CHD9: variants seen among roughly 807,000 people sequenced by gnomAD.
The protein encoded by CHD9 is ATP-dependent chromatin remodeler CHD9.
A neutral mutation model predicts 316.1 loss-of-function variants in CHD9; 77 were observed. The observed-to-expected ratio is 0.24, with a 90% CI of 0.20 to 0.29. CHD9 has a LOEUF of 0.29. Among genes scored for constraint, CHD9 ranks in the 10% least tolerant of loss-of-function variants. CHD9 has a pLI of 1.00. For missense variants in CHD9, 2,763 were observed against 3,438.1 expected (o/e 0.80, Z 4.91); for synonymous variants, 1,129 against 1,158.3 (o/e 0.97, Z 0.51).
At chr16:53,065,525 C>T (rs1429319519) in intron 1 of CHD9, among the ~76,000 whole-genome samples, 1 of 149,218 alleles carries the variant, frequency 6.7e-6, no homozygotes, top group Admixed American at 6.8e-5. Context: ...GTCTCAGTTA[C>T]TTGGGAGGCT....
At chr16:53,287,091 T>C (rs1050512617) in intron 26 of CHD9, among the ~76,000 whole-genome samples, 3 of 152,140 alleles carry the variant, frequency 2.0e-5, no homozygotes, top group Admixed American at 6.5e-5. Flanking sequence ...CCTGAGTATC[T>C]GGGACCACAG....
At chr16:53,323,110 T>C (rs2057380082) in intron 38 of CHD9, among the ~76,000 whole-genome samples, 1 of 152,214 alleles carries the variant, frequency 6.6e-6, no homozygotes, top group African/African-American at 2.4e-5. Context: ...TGTTGAGCAC[T>C]TGAAATGTGA....
chr16:53,226,386 A>T lies in CHD9; in HGVS notation c.1917A>T (p.Gln639His), dbSNP rs1407416302. The change falls in exon 5 of 39, where the codon CAA (glutamine) becomes CAT (histidine). Residue 639 changes from glutamine (Q) to histidine (H), a missense_variant. Around this residue, in one of 15 missense-constraint regions of CHD9, gnomAD observed 859 missense variants for 890.4 expected, o/e 0.96. Transcript: ENST00000447540. The part of the protein sequence containing the change: ...QDSQKRRSNR[Q>H]IKRKKYAEDI... The stretch of plus-strand genomic sequence containing the variant: ...TACAGAAAAGAAGATCAAATCGACA[A>T]ATTAAAAGAAAAAAATACGCAGAAG... The T allele has an allele frequency of 1.3e-6, 2 of 1,573,338 alleles. No individual in the cohort carries two copies. The highest frequency in any genetic ancestry group is 2.3e-5 in the East Asian group (1 of 44,012).
At chr16:53,237,847 A>G (rs928058701) in intron 11 of CHD9, among the ~76,000 whole-genome samples, 1 of 151,746 alleles carries the variant, frequency 6.6e-6, no homozygotes, top group Non-Finnish European at 1.5e-5. Context: ...CTTTTTTTTC[A>G]AGCTTTGTAA....
intron 1 of CHD9, among the ~76,000 whole-genome samples, chr16:53,152,344 G>A (rs144590549): frequency 7.6e-4 from 116 of 152,222 alleles, no homozygotes; most frequent in African/African-American, 2.7e-3. Flanking sequence ...GATAAAGTTG[G>A]TTCTGACACT....
At chr16:53,308,054 T>TA in intron 33 of CHD9, 101 bp downstream of exon 33, 1 of 998,250 alleles carries the variant, frequency 1.0e-6, no homozygotes, top group East Asian at 2.6e-5. Context: ...TTCCTTCACA[T>TA]ACCTGTTTCT....
chr16:53,099,939 G>C (rs1013790664), intron 1 of CHD9, among the ~76,000 whole-genome samples: 4 of 152,200 alleles, frequency 2.6e-5, no homozygotes, highest in African/African-American at 7.2e-5. Context: ...GTGCAGGGCG[G>C]GGGAGGAGGA....
intron 3 of CHD9, among the ~76,000 whole-genome samples, chr16:53,219,592 G>A (rs556252076): frequency 9.9e-5 from 15 of 152,124 alleles, no homozygotes; most frequent in African/African-American, 3.6e-4. Flanking sequence ...CCAAGAAAGG[G>A]GCCAAAAGGA....
intron 2 of CHD9, among the ~76,000 whole-genome samples, chr16:53,180,781 T>G (rs1223753924): frequency 2.0e-5 from 3 of 152,130 alleles, no homozygotes; most frequent in Non-Finnish European, 4.4e-5. Flanking sequence ...CACGCCATTC[T>G]TCTGCCTCAG....
At chr16:53,233,204 G>T (rs1271421498) in intron 10 of CHD9, among the ~76,000 whole-genome samples, 2 of 152,110 alleles carry the variant, frequency 1.3e-5, no homozygotes, top group African/African-American at 4.8e-5. Flanking sequence ...TGACTGACTG[G>T]CTTCAAGTTA....
intron 1 of CHD9, among the ~76,000 whole-genome samples, chr16:53,123,457 CT>C (rs1259530572): frequency 2.0e-5 from 3 of 151,988 alleles, no homozygotes; most frequent in Middle Eastern, 6.8e-3. Flanking sequence ...ACAGTCAAGC[CT>C]TTTGTATCTG....
chr16:53,259,296 C>T (rs775774091), intron 19 of CHD9, among the ~76,000 whole-genome samples: 2 of 152,062 alleles, frequency 1.3e-5, no homozygotes, highest in Non-Finnish European at 2.9e-5. Context: ...ATGAATGTAA[C>T]AAAGCTATTT....
At chr16:53,212,140 G>T (rs2046379257) in intron 3 of CHD9, among the ~76,000 whole-genome samples, 1 of 152,134 alleles carries the variant, frequency 6.6e-6, no homozygotes, top group African/African-American at 2.4e-5. Context: ...GGTGGCTCAT[G>T]CCTGTAATCC....
intron 11 of CHD9, among the ~76,000 whole-genome samples, chr16:53,236,502 C>G (rs1249480612): frequency 6.6e-6 from 1 of 151,926 alleles, no homozygotes; most frequent in East Asian, 1.9e-4. Context: ...CCAGGCCATC[C>G]CTGAAGACTA....
intron 2 of CHD9, among the ~76,000 whole-genome samples, chr16:53,199,820 G>A (rs1393359514): frequency 6.6e-6 from 1 of 152,166 alleles, no homozygotes; most frequent in Non-Finnish European, 1.5e-5. Flanking sequence ...AGAAAATAAG[G>A]AAGTGCTTGA....
chr16:53,121,304 A>C, intron 1 of CHD9: 1 of 454,228 alleles, frequency 2.2e-6, no homozygotes, highest in Non-Finnish European at 4.4e-6. Flanking sequence ...ATTTAGATGC[A>C]ACTTCTCCAG....
intron 7 of CHD9, chr16:53,227,810 G>C: frequency 5.7e-6 from 1 of 176,564 alleles, no homozygotes; most frequent in Non-Finnish European, 1.2e-5. Context: ...ATTTGGCCAG[G>C]TGTGGTGGCT....
intron 1 of CHD9, among the ~76,000 whole-genome samples, chr16:53,063,632 C>T (rs917173586): frequency 1.4e-4 from 22 of 152,004 alleles, no homozygotes; most frequent in African/African-American, 4.6e-4. Flanking sequence ...TTCGGGTTCA[C>T]GCCATTCTCC....
chr16:53,204,806 A>G (rs565806650), intron 2 of CHD9, among the ~76,000 whole-genome samples: 1 of 152,102 alleles, frequency 6.6e-6, no homozygotes, highest in South Asian at 2.1e-4. Context: ...TATGATATTA[A>G]TATATGTGCC....
Sources: allele counts gnomAD v4.1 joint callset (sites outside exome capture counted in the v4.1 genomes callset), GRCh38; gene constraint gnomAD v4.1.1; regional missense constraint gnomAD v4.1.1; transcripts MANE v1.5; gene names NCBI Gene and HGNC (gene_info 2026-07-23, HGNC 2026-07-21).